CELSR1: variants seen among roughly 807,000 people sequenced by gnomAD.
The protein encoded by CELSR1 is cadherin EGF LAG seven-pass G-type receptor 1.
A neutral mutation model predicts 249.1 loss-of-function variants in CELSR1; 110 were observed. The ratio of observed to expected loss-of-function variants is 0.44; its 90% CI spans 0.38 to 0.52. The LOEUF is 0.52. Among genes scored for constraint, CELSR1 ranks in the 20% least tolerant of loss-of-function variants. The pLI, the probability that CELSR1 is intolerant of heterozygous loss-of-function variation, is 0.00. For missense variants in CELSR1, 4,109 were observed against 4,296.4 expected (o/e 0.96, Z 1.22); for synonymous variants, 2,113 against 1,900.0 (o/e 1.11, Z -2.92).
In CELSR1 at chr22:46,536,766, G is replaced by T. The variant is rs965041088; in HGVS notation, c.405C>A (p.Val135=). 1.7e-6 allele frequency: 2 copies of T among 1,184,896 alleles called. No homozygotes were observed. The highest frequency in any genetic ancestry group is 2.1e-6 in the Non-Finnish European group (2 of 958,960). The allele number at this position is 1,184,896 out of a possible 1,614,324, so 73.4% of individuals were successfully genotyped here. Residue 135 remains valine (V), a synonymous_variant, in exon 1 of 35, where the codon GTC becomes GTA. Transcript: ENST00000674500. ...ARLCGALCFP[V]PGGCAAAQHS... is the part of the protein sequence containing the mutation. ...GCTGCGCGGCCGCGCAGCCGCCGGG[G>T]ACGGGGAAGCAGAGCGCCCCGCAGA...
Position 46,537,223 on chromosome 22 carries a change from C to T in CELSR1, c.-53G>A, listed in dbSNP as rs1368690657. The T allele has an allele frequency of 2.0e-6, 2 of 1,015,838 alleles. No homozygotes were observed. Among genetic ancestry groups the T allele is most frequent in the Non-Finnish European group, 1.2e-6 (1 of 851,456 alleles). The allele number at this position is 1,015,838 out of a possible 1,614,324, so 62.9% of individuals were successfully genotyped here. A position where few individuals can be genotyped will look rare whatever the true frequency, so the allele number is the denominator to read the frequency against. On this transcript the variant is annotated 5_prime_UTR_variant, in exon 1 of 35. Transcript: ENST00000674500. The surrounding 1 kb of genome is among the most constrained non-coding windows in gnomAD (Gnocchi z 5.8). ...GCCCGAACACAATCCATGCACCCGG[C>T]GCGCCTCCGCATCCACCCGGCGAGG...
chr22:46,371,941 TCAG>T (rs2078856766), intron 25 of CELSR1, among the ~76,000 whole-genome samples: 1 of 135,886 alleles, frequency 7.4e-6, no homozygotes, highest in African/African-American at 2.8e-5. Flanking sequence ...GCTCACTCAC[TCAG>T]CCCTTCATCC....
chr22:46,525,449 CAA>C (rs10585540), intron 1 of CELSR1, among the ~76,000 whole-genome samples: 49,279 of 146,384 alleles, frequency 0.34, 8,759 homozygotes, highest in African/African-American at 0.47. Flanking sequence ...AACTCTGTCT[CAA>C]AAAAAAAAAA....
chr22:46,367,737 C>T lies in CELSR1; in HGVS notation c.8071G>A (p.Gly2691Ser), dbSNP rs745678383. 47 of 1,599,634 alleles carry T rather than the reference C, an allele frequency of 2.9e-5. No individual in the cohort carries two copies. Among genetic ancestry groups the T allele is most frequent in the African/African-American group, 1.2e-4 (9 of 74,844 alleles). ...SFHYLFAIFSGLQGPFVLLFH... is the reference protein window; with the variant it reads ...SFHYLFAIFSSLQGPFVLLFH... ...ACTCGGCCGTCACCTACCTGTAAGC[C>T]GCTGAAGATGGCGAAGAGGTAGTGA... Residue 2691 changes from glycine (G) to serine (S), a missense_variant, in exon 28 of 35, where the codon GGC (glycine) becomes AGC (serine). This residue lies in a region of CELSR1 where 1,805 missense variants were observed against 1,831.6 expected (regional missense o/e 0.99). Coordinates refer to ENST00000674500, the MANE Select transcript of CELSR1 (RefSeq NM_001378328.1).
intron 1 of CELSR1, among the ~76,000 whole-genome samples, chr22:46,502,029 C>A (rs909625280): frequency 5.3e-5 from 8 of 151,872 alleles, no homozygotes; most frequent in African/African-American, 1.9e-4. Flanking sequence ...CCTTGGGAGG[C>A]CAAAGTAGGA....
chr22:46,394,003 ATG>A lies in CELSR1; in HGVS notation c.5964+137_5964+138del, dbSNP rs200174425. Reference sequence around the variant, plus strand: ...AAAACCACATCTGTACACAAATGTGATGTGAGTGGGCACAGGTGTGTGTGCAG... The same window carrying A: ...AAAACCACATCTGTACACAAATGTGATGAGTGGGCACAGGTGTGTGTGCAG... On this transcript the variant is annotated intron_variant, in intron 14 of 34. Transcript: ENST00000674500. The A allele has an allele frequency of 1.8e-3, 2,062 of 1,134,884 alleles. 33 individuals are homozygous for A. In the African/African-American group the frequency reaches 0.028, roughly 16 times the overall value. The allele number at this position is 1,134,884 out of a possible 1,614,324, so 70.3% of individuals were successfully genotyped here. A position where few individuals can be genotyped will look rare whatever the true frequency, so the allele number is the denominator to read the frequency against.
rs757171253 is a variant in CELSR1, at chr22:46,464,261, C to T, written c.3629G>A (p.Arg1210His). Residue 1210 changes from arginine (R) to histidine (H), a missense_variant, in exon 2 of 35, where the codon CGC becomes CAC. Transcript: ENST00000674500. This position sits in a 1 kb window ranked among gnomAD's most constrained non-coding sequence, Gnocchi z 8.5. Reference protein sequence around the residue: ...DDMLTNSITVRLENMSQEKFL... With the variant: ...DDMLTNSITVHLENMSQEKFL... ...CTTCTCCTGGGACATGTTCTCCAGG[C>T]GGACAGTGATGCTGTTGGTCAGCAT... 1.5e-5 allele frequency: 25 copies of T among 1,613,592 alleles called. No individual in the cohort carries two copies. Among genetic ancestry groups the T allele is most frequent in the Non-Finnish European group, 2.0e-5 (24 of 1,180,038 alleles).
chr22:46,464,333 C>T lies in CELSR1; in HGVS notation c.3557G>A (p.Ser1186Asn). ...ACGCAGGGTGCAGAAGGCCGTGACG[C>T]TGTGGATGCCATCTGCAGACACAAG... is the stretch of plus-strand genomic sequence containing the variant. The part of the protein sequence containing the change: ...MEVSVSDGIH[S>N]VTAFCTLRVT... The change falls in exon 2 of 35, where the codon AGC becomes AAC. Residue 1186 changes from serine (S) to asparagine (N), a missense_variant. By Grantham distance (46) the Ser-to-Asn change is conservative. Transcript: ENST00000674500. This position sits in a 1 kb window ranked among gnomAD's most constrained non-coding sequence, Gnocchi z 8.5. The T allele has an allele frequency of 6.2e-7, 1 of 1,609,518 alleles. No homozygotes were observed. Among genetic ancestry groups the T allele is most frequent in the South Asian group, 1.1e-5 (1 of 90,940 alleles).
intron 5 of CELSR1, among the ~76,000 whole-genome samples, chr22:46,419,594 T>C (rs1220034942): frequency 6.6e-6 from 1 of 152,052 alleles, no homozygotes; most frequent in Non-Finnish European, 1.5e-5. Context: ...AGCCTGAGTG[T>C]CCCGGGAAAA....
In CELSR1 at chr22:46,472,263, G is replaced by A. The variant is rs976759879; in HGVS notation, c.3545-7918C>T. 2.0e-5 allele frequency among the ~76,000 whole-genome samples: 3 copies of A among 152,216 alleles called. No individual in the cohort carries two copies. The highest frequency in any genetic ancestry group is 7.2e-5 in the African/African-American group (3 of 41,460). ...CTTTCTGGGTCTTCATGGAGGTTGG[G>A]ACCTGTCCAGTCCCCGACTTTCGTG... is the stretch of plus-strand genomic sequence containing the variant. On this transcript the variant is annotated intron_variant, in intron 1 of 34. Transcript: ENST00000674500. The surrounding 1 kb of genome is among the most constrained non-coding windows in gnomAD (Gnocchi z 7.0).
intron 1 of CELSR1, among the ~76,000 whole-genome samples, chr22:46,515,147 G>A (rs185601860): frequency 1.0e-3 from 157 of 152,258 alleles, no homozygotes; most frequent in African/African-American, 3.7e-3. Flanking sequence ...GACACTCATG[G>A]GACACAGCAT....
intron 1 of CELSR1, among the ~76,000 whole-genome samples, chr22:46,482,135 C>T (rs536902818): frequency 6.6e-6 from 1 of 152,322 alleles, no homozygotes; most frequent in East Asian, 1.9e-4. Flanking sequence ...ACCCTCACTT[C>T]CCAAGAAGAG....
chr22:46,485,572 C>G (rs2080305212), intron 1 of CELSR1, among the ~76,000 whole-genome samples: 1 of 152,226 alleles, frequency 6.6e-6, no homozygotes, highest in Non-Finnish European at 1.5e-5. Flanking sequence ...ACAAGTAAAG[C>G]TGAAAATAAA....
chr22:46,422,335 T>C (rs2079483908), intron 5 of CELSR1, among the ~76,000 whole-genome samples: 2 of 152,072 alleles, frequency 1.3e-5, no homozygotes, highest in Admixed American at 6.5e-5. Flanking sequence ...TTTGAACTCC[T>C]GACTTCAAGT....
intron 3 of CELSR1, among the ~76,000 whole-genome samples, 178 bp downstream of exon 3, chr22:46,439,011 G>C (rs1399291128): frequency 1.3e-5 from 2 of 152,178 alleles, no homozygotes; most frequent in Admixed American, 1.3e-4. Context: ...ACCCGCCTCG[G>C]CCTCCCAAAG....
intron 1 of CELSR1, among the ~76,000 whole-genome samples, chr22:46,477,821 TAAG>T (rs2080225239): frequency 6.6e-6 from 1 of 151,950 alleles, no homozygotes. Context: ...TGTTTTAAGA[TAAG>T]AAGAAAAAGG....
Position 46,535,655 on chromosome 22 carries a change from G to C in CELSR1, c.1516C>G (p.Gln506Glu), listed in dbSNP as rs1225337565. The change falls in exon 1 of 35, where the codon CAG (glutamine) becomes GAG (glutamate). Residue 506 changes from glutamine (Q) to glutamate (E), a missense_variant. By Grantham distance (29) the Gln-to-Glu change is conservative. Coordinates refer to ENST00000674500, the MANE Select transcript of CELSR1 (RefSeq NM_001378328.1). Reference protein sequence around the residue: ...YSILSGNVAGQFYLHSLSGIL... With the variant: ...YSILSGNVAGEFYLHSLSGIL... ...CCGCTCAGCGAGTGCAGGTAGAACT[G>C]GCCGGCCACGTTCCCGCTGAGGATG... 2 of 1,613,140 alleles carry C rather than the reference G, an allele frequency of 1.2e-6. No individual in the cohort carries two copies. The highest frequency in any genetic ancestry group is 1.7e-6 in the Non-Finnish European group (2 of 1,180,038).
chr22:46,493,091 A>G (rs2147704980), intron 1 of CELSR1, among the ~76,000 whole-genome samples: 1 of 151,772 alleles, frequency 6.6e-6, no homozygotes, highest in South Asian at 2.1e-4. Flanking sequence ...AAAAAATAAA[A>G]GTAAAAAAAT....
intron 1 of CELSR1, among the ~76,000 whole-genome samples, chr22:46,489,052 C>G (rs1279856840): frequency 2.0e-5 from 3 of 152,100 alleles, no homozygotes; most frequent in African/African-American, 7.2e-5. Flanking sequence ...CACCCCATGG[C>G]AGGGCAGGGC....
Sources: gnomAD v4.1 joint callset for allele counts (sites outside exome capture counted in the v4.1 genomes callset) on GRCh38, gnomAD v4.1.1 for gene constraint, gnomAD v4.1.1 regional missense constraint, Gnocchi (gnomAD v3.1) non-coding constraint, MANE v1.5 for transcripts, NCBI Gene and HGNC (gene_info 2026-07-23, HGNC 2026-07-21) for gene names.